The following PCNX2 variants were observed in gnomAD, a reference collection of about 807,000 sequenced individuals.
PCNX2 encodes pecanex-like protein 2.
Under a neutral mutation model 223.8 loss-of-function variants are expected in PCNX2, and 168 were observed. The ratio of observed to expected loss-of-function variants is 0.75; its 90% CI spans 0.66 to 0.85. The LOEUF is 0.85. PCNX2 is among the 40% of genes least tolerant of loss of function. The pLI is 0.00. For missense variants in PCNX2, 2,507 were observed against 2,675.5 expected (o/e 0.94, Z 1.39); for synonymous variants, 1,006 against 1,052.6 (o/e 0.96, Z 0.86).
chr1:233,238,819 G>A (rs1053465459), intron 8 of PCNX2, among the ~76,000 whole-genome samples: 1 of 152,116 alleles, frequency 6.6e-6, no homozygotes, highest in East Asian at 1.9e-4. Flanking sequence ...GGTTTAGGAC[G>A]TGAACCAGGT....
At chr1:233,020,316 T>A (rs1309970607) in intron 26 of PCNX2, among the ~76,000 whole-genome samples, 1 of 152,222 alleles carries the variant, frequency 6.6e-6, no homozygotes, top group Non-Finnish European at 1.5e-5. Context: ...CTCCATTTAA[T>A]CTAGGCAGAA....
chr1:233,311,663 T>C, the PCNX2 span, among the ~76,000 whole-genome samples: 5 of 152,324 alleles, frequency 3.3e-5, no homozygotes, highest in South Asian at 8.3e-4. Context: ...CATTTGTTAC[T>C]GCAGCTTAGC....
chr1:233,160,121 T>C (rs1229419965), intron 19 of PCNX2, 162 bp downstream of exon 19: 5 of 733,532 alleles, frequency 6.8e-6, no homozygotes, highest in East Asian at 2.7e-5. Flanking sequence ...TTCTCCTTTT[T>C]TCTTTTTTAT....
Position 233,016,903 on chromosome 1 carries a change from C to T in PCNX2, c.4839+18G>A. On this transcript the variant is annotated intron_variant, in intron 27 of 33. Coordinates refer to ENST00000258229, the MANE Select transcript of PCNX2 (RefSeq NM_014801.4). Reference sequence around the variant, plus strand: ...TAAACTTACATTCCATGCCTCAGCCCCCACCTCCCTGACCTACCTCTTGTC... The same window carrying T: ...TAAACTTACATTCCATGCCTCAGCCTCCACCTCCCTGACCTACCTCTTGTC... 1 of 1,590,024 alleles carries T rather than the reference C, an allele frequency of 6.3e-7. No individual in the cohort carries two copies. The highest frequency in any genetic ancestry group is 8.6e-7 in the Non-Finnish European group (1 of 1,159,538).
At chr1:233,294,465 C>T (rs1436877770) in intron 1 of PCNX2, among the ~76,000 whole-genome samples, 1 of 152,074 alleles carries the variant, frequency 6.6e-6, no homozygotes, top group East Asian at 1.9e-4. Flanking sequence ...ATGTCAAACT[C>T]GGAATCCATC....
chr1:233,041,953 G>C (rs1425803585), intron 25 of PCNX2, among the ~76,000 whole-genome samples: 1 of 152,122 alleles, frequency 6.6e-6, no homozygotes, highest in Non-Finnish European at 1.5e-5. Flanking sequence ...TTCCTGCACA[G>C]AATTATTAAA....
chr1:233,277,766 G>C (rs1660989961), intron 1 of PCNX2, among the ~76,000 whole-genome samples: 1 of 152,062 alleles, frequency 6.6e-6, no homozygotes, highest in Non-Finnish European at 1.5e-5. Context: ...CCGATCATTA[G>C]CACAGATGCA....
chr1:233,291,302 C>T (rs1661748912), intron 1 of PCNX2, among the ~76,000 whole-genome samples: 1 of 152,062 alleles, frequency 6.6e-6, no homozygotes, highest in African/African-American at 2.4e-5. Context: ...TTGCATAAGG[C>T]CACACAATTG....
chr1:233,020,476 T>A (rs1670840517), intron 26 of PCNX2, among the ~76,000 whole-genome samples: 1 of 152,234 alleles, frequency 6.6e-6, no homozygotes, highest in South Asian at 2.1e-4. Flanking sequence ...GCAGGACCCC[T>A]CCTGAATAAA....
At chr1:233,215,959 C>T (rs936408544) in intron 12 of PCNX2, among the ~76,000 whole-genome samples, 3 of 152,152 alleles carry the variant, frequency 2.0e-5, no homozygotes, top group Non-Finnish European at 2.9e-5. Flanking sequence ...GCCATGTGAT[C>T]GTCCAATTAT....
chr1:233,140,228 T>C (rs1677028788), intron 19 of PCNX2, among the ~76,000 whole-genome samples: 1 of 152,196 alleles, frequency 6.6e-6, no homozygotes, highest in East Asian at 1.9e-4. Context: ...TGTCTCCTTT[T>C]AAGCTAGGGT....
intron 17 of PCNX2, among the ~76,000 whole-genome samples, chr1:233,175,752 C>T (rs1341225258): frequency 6.6e-6 from 1 of 151,948 alleles, no homozygotes; most frequent in Non-Finnish European, 1.5e-5. Context: ...GACTTTTAAC[C>T]TGCTTTTAAA....
intron 8 of PCNX2, chr1:233,241,055 A>G: frequency 3.3e-6 from 2 of 611,152 alleles, no homozygotes; most frequent in Non-Finnish European, 4.1e-6. Context: ...ATAGAGGGAC[A>G]CAGAAATGAA....
chr1:233,191,576 A>C (rs996335121), intron 15 of PCNX2, among the ~76,000 whole-genome samples: 4 of 152,344 alleles, frequency 2.6e-5, no homozygotes, highest in Admixed American at 2.6e-4. Flanking sequence ...TTACTCGTGC[A>C]CAAGTCATAG....
rs1553296590 is a variant in PCNX2, at chr1:233,130,465, T to TGTG, written c.3837+4547_3837+4548insCAC. ...ACTCAATATTTCTGCCCCCCAACTT[T>TGTG]TGTGTGTGTGTGTGTGTGTGTGTGT... On this transcript the variant is annotated intron_variant, in intron 21 of 33. Coordinates refer to ENST00000258229, the MANE Select transcript of PCNX2 (RefSeq NM_014801.4). Among the ~76,000 whole-genome samples the TGTG allele has an allele frequency of 2.9e-4, 39 of 136,472 alleles. No individual in the cohort carries two copies. The East Asian group carries it at 4.9e-3, about 17-fold the overall frequency. 89.5% of individuals were successfully genotyped at this position (136,472 alleles called of 152,430 possible). A position where few individuals can be genotyped will look rare whatever the true frequency, so the allele number is the denominator to read the frequency against.
chr1:233,288,925 C>T, intron 1 of PCNX2: 1 of 1,482,136 alleles, frequency 6.7e-7, no homozygotes, highest in Non-Finnish European at 9.4e-7. Context: ...TTATAGACAC[C>T]AGAAAAAGTT....
chr1:233,053,306 C>G (rs1203277527), intron 25 of PCNX2, among the ~76,000 whole-genome samples: 1 of 152,044 alleles, frequency 6.6e-6, no homozygotes, highest in Non-Finnish European at 1.5e-5. Context: ...ATGCACTTAG[C>G]AGGTATCAGT....
intron 25 of PCNX2, among the ~76,000 whole-genome samples, chr1:233,029,830 T>C (rs959800014): frequency 6.6e-6 from 1 of 152,156 alleles, no homozygotes; most frequent in Non-Finnish European, 1.5e-5. Flanking sequence ...ATGCTCTTGG[T>C]AAGATGACGA....
intron 21 of PCNX2, among the ~76,000 whole-genome samples, chr1:233,123,843 A>G (rs1470122143): frequency 6.6e-6 from 1 of 152,242 alleles, no homozygotes; most frequent in East Asian, 1.9e-4. Context: ...TAGAAAATGT[A>G]TCATGGGCAT....
Sources: allele counts gnomAD v4.1 joint callset (sites outside exome capture counted in the v4.1 genomes callset), GRCh38; gene constraint gnomAD v4.1.1; transcripts MANE v1.5; gene names NCBI Gene and HGNC (gene_info 2026-07-23, HGNC 2026-07-21).